Variants in LRRC7 observed in about 807,000 individuals in gnomAD.
LRRC7 encodes the protein leucine-rich repeat-containing protein 7.
LRRC7 carries 23 observed loss-of-function variants against 175.7 expected under a neutral mutation model. The observed-to-expected ratio is 0.13, with a 90% CI of 0.09 to 0.19. The LOEUF (loss-of-function observed/expected upper bound fraction) is 0.19. Ranked by LOEUF, LRRC7 falls within the 10% of genes least tolerant of loss-of-function variation. The probability of loss-of-function intolerance (pLI) is 1.00; values close to 1 mark genes in which losing one functional copy is unlikely to be tolerated. For missense variants in LRRC7, 1,354 were observed against 1,904.7 expected (o/e 0.71, Z 5.38); for synonymous variants, 685 against 680.9 (o/e 1.01, Z -0.09).
chr1:69,874,060 T>C (rs1254962251), intron 7 of LRRC7: 1 of 152,166 alleles, frequency 6.6e-6, no homozygotes, highest in Non-Finnish European at 1.5e-5. Context: ...TGGACTTATT[T>C]TGCAAAGTTC....
intron 2 of LRRC7, among the ~76,000 whole-genome samples, chr1:69,745,919 A>C (rs1256567230): frequency 6.6e-6 from 1 of 151,918 alleles, no homozygotes; most frequent in Non-Finnish European, 1.5e-5. Context: ...TGAAGAAAAT[A>C]AATAGTAATT....
chr1:69,751,535 T>A (rs907454576), intron 2 of LRRC7, among the ~76,000 whole-genome samples: 1 of 152,064 alleles, frequency 6.6e-6, no homozygotes, highest in Non-Finnish European at 1.5e-5. Flanking sequence ...TAAAGTATAA[T>A]CAAAACAACA....
Position 70,123,600 on chromosome 1 carries a change from C to T in LRRC7, c.*1713C>T, listed in dbSNP as rs1434294226. On this transcript the variant is annotated 3_prime_UTR_variant, in exon 27 of 27. Coordinates refer to ENST00000651989, the MANE Select transcript of LRRC7 (RefSeq NM_001370785.2). The stretch of plus-strand genomic sequence containing the variant: ...GCTTTATGTCAGGGTGACATTATAC[C>T]ATGATTTTATAGGGTTTGACAATTA... 2.0e-5 allele frequency: 3 copies of T among 152,104 alleles called. No individual in the cohort carries two copies. The highest frequency in any genetic ancestry group is 2.9e-5 in the Non-Finnish European group (2 of 67,992). 9.4% of individuals were successfully genotyped at this position (152,104 alleles called of 1,614,324 possible). A position where few individuals can be genotyped will look rare whatever the true frequency, so the allele number is the denominator to read the frequency against.
At chr1:69,738,841 C>T (rs543443998) in intron 2 of LRRC7, among the ~76,000 whole-genome samples, 1 of 151,932 alleles carries the variant, frequency 6.6e-6, no homozygotes, top group East Asian at 1.9e-4. Context: ...CTTAAGTGGA[C>T]CCTGGAGACA....
rs35639787 is a variant in LRRC7 at position 70,054,578 on chromosome 1, C to CTTTTTTT, written c.4230+1458_4230+1464dup. On this transcript the variant is annotated intron_variant, in intron 23 of 26. Coordinates refer to ENST00000651989, the MANE Select transcript of LRRC7 (RefSeq NM_001370785.2). The stretch of plus-strand genomic sequence containing the variant: ...TTGAATTATGGTTCTTTACACTCTA[C>CTTTTTTT]TTTTTTTTTTTTTTTTTTTTTTTTT... Among the ~76,000 whole-genome samples, 303 of 53,846 alleles carry CTTTTTTT rather than the reference C, an allele frequency of 5.6e-3. 62 individuals carry two copies. Among genetic ancestry groups the CTTTTTTT allele is most frequent in the Non-Finnish European group, 6.3e-3 (181 of 28,954 alleles). The allele number at this position is 53,846 out of a possible 152,430, so 35.3% of individuals were successfully genotyped here.
At chr1:69,912,106 A>G (rs1328514614) in intron 7 of LRRC7, among the ~76,000 whole-genome samples, 1 of 152,098 alleles carries the variant, frequency 6.6e-6, no homozygotes, top group African/African-American at 2.4e-5. Flanking sequence ...GTATCAGTGG[A>G]TTTTTTATAT....
intron 7 of LRRC7, among the ~76,000 whole-genome samples, chr1:69,895,580 T>C (rs1236938513): frequency 2.6e-5 from 4 of 152,148 alleles, no homozygotes; most frequent in Admixed American, 2.0e-4. Flanking sequence ...CCCAACGGTG[T>C]CCCCAAGGCA....
At chr1:69,950,906 A>G (rs182063493) in intron 8 of LRRC7, among the ~76,000 whole-genome samples, 1 of 152,204 alleles carries the variant, frequency 6.6e-6, no homozygotes, top group East Asian at 1.9e-4. Flanking sequence ...ATAGGAGGAG[A>G]AGGAAATTGA....
intron 24 of LRRC7, among the ~76,000 whole-genome samples, chr1:70,080,310 AC>A (rs1177364017): frequency 3.3e-5 from 5 of 152,216 alleles, no homozygotes; most frequent in Non-Finnish European, 5.9e-5. Flanking sequence ...GTGGAAATGA[AC>A]ATATATAATA....
Position 70,039,742 on chromosome 1 carries a change from A to T in LRRC7, c.3918A>T (p.Ala1306=). The T allele has an allele frequency of 6.2e-7, 1 of 1,612,884 alleles. No individual in the cohort carries two copies. Among genetic ancestry groups the T allele is most frequent in the Non-Finnish European group, 8.5e-7 (1 of 1,179,500 alleles). Reference sequence around the variant, plus strand: ...AGGAGAGCTGTGGTAAAATGCCTGCAGACTGGAGACAACAGCTGCTTAGAC... The same window carrying T: ...AGGAGAGCTGTGGTAAAATGCCTGCTGACTGGAGACAACAGCTGCTTAGAC... The part of the protein sequence containing the change: ...KGEESCGKMP[A]DWRQQLLRHI... Residue 1306 remains alanine, a synonymous_variant, in exon 21 of 27, where the codon GCA becomes GCT. Coordinates refer to ENST00000651989, the MANE Select transcript of LRRC7 (RefSeq NM_001370785.2).
rs1443435582 is a variant in LRRC7, at chr1:69,809,109, A to G, written c.422-16639A>G. Among the ~76,000 whole-genome samples the G allele has an allele frequency of 2.0e-5, 3 of 152,190 alleles. No individual in the cohort carries two copies. In the East Asian group the frequency reaches 5.8e-4, roughly 29 times the overall value. ...AAGGGGGTATCACCACTGACCCCAC[A>G]AAAATACAAACTACCATCAGAGAAT... is the stretch of plus-strand genomic sequence containing the variant. On this transcript the variant is annotated intron_variant, in intron 4 of 26. Coordinates refer to ENST00000651989, the MANE Select transcript of LRRC7 (RefSeq NM_001370785.2).
At chr1:69,689,231 C>T (rs11209520) in intron 2 of LRRC7, among the ~76,000 whole-genome samples, 6 of 152,090 alleles carry the variant, frequency 3.9e-5, no homozygotes, top group African/African-American at 9.7e-5. Flanking sequence ...CAACCTTAAA[C>T]GACTGTTAGT....
At chr1:69,579,672 G>A (rs1342309096) in intron 1 of LRRC7, among the ~76,000 whole-genome samples, 2 of 152,066 alleles carry the variant, frequency 1.3e-5, no homozygotes, top group Admixed American at 6.6e-5. Flanking sequence ...GACTCTTGTA[G>A]CCATTAGCAC....
chr1:69,974,121 A>C (rs1380592046), intron 8 of LRRC7, among the ~76,000 whole-genome samples: 2 of 152,160 alleles, frequency 1.3e-5, no homozygotes, highest in Admixed American at 1.3e-4. Context: ...TGCTATATAA[A>C]TTTTCTGTAC....
chr1:69,865,469 C>CTTTTGTTTTTTTTTTTTTTTTTTTTTTTT (rs1684820859), intron 7 of LRRC7, among the ~76,000 whole-genome samples: 1 of 51,262 alleles, frequency 2.0e-5, no homozygotes, highest in Non-Finnish European at 3.4e-5. Flanking sequence ...AAGACAGTTC[C>CTTTTGTTTTTTTTTTTTTTTTTTTTTTTT]TTTTTTTTTT....
intron 7 of LRRC7, among the ~76,000 whole-genome samples, chr1:69,852,823 T>G (rs549682533): frequency 1.3e-5 from 2 of 152,188 alleles, no homozygotes; most frequent in African/African-American, 4.8e-5. Flanking sequence ...CATAACATTA[T>G]GTAAAATGAA....
At chr1:69,725,059 C>A (rs533782822) in intron 2 of LRRC7, among the ~76,000 whole-genome samples, 1 of 151,562 alleles carries the variant, frequency 6.6e-6, no homozygotes, top group Non-Finnish European at 1.5e-5. Flanking sequence ...GTTTACTGGA[C>A]AATTAATATA....
chr1:69,962,794 G>A (rs1047048171), intron 8 of LRRC7, among the ~76,000 whole-genome samples: 4 of 151,972 alleles, frequency 2.6e-5, no homozygotes, highest in Admixed American at 6.6e-5. Flanking sequence ...TGGACAGATA[G>A]GGGGAACAAC....
chr1:69,712,547 G>A (rs1570460680), intron 2 of LRRC7, among the ~76,000 whole-genome samples: 2 of 152,296 alleles, frequency 1.3e-5, no homozygotes, highest in South Asian at 2.1e-4. Flanking sequence ...AGCGGTTGCA[G>A]TGAGCCAAGA....
Sources: allele counts gnomAD v4.1 joint callset (sites outside exome capture counted in the v4.1 genomes callset), GRCh38; gene constraint gnomAD v4.1.1; transcripts MANE v1.5; gene names NCBI Gene and HGNC (gene_info 2026-07-23, HGNC 2026-07-21).